DPY19L1: variants seen among roughly 807,000 people sequenced by gnomAD.
The protein encoded by DPY19L1 is protein C-mannosyl-transferase DPY19L1.
Under a neutral mutation model 96.9 loss-of-function variants are expected in DPY19L1, and 35 were observed. The observed-to-expected ratio is 0.36, with a 90% CI of 0.28 to 0.48. The LOEUF (loss-of-function observed/expected upper bound fraction) is 0.48. Among genes scored for constraint, DPY19L1 ranks in the 20% least tolerant of loss-of-function variants. DPY19L1 has a pLI of 0.99. For missense variants in DPY19L1, 521 were observed against 777.9 expected (o/e 0.67, Z 3.93); for synonymous variants, 205 against 252.6 (o/e 0.81, Z 1.79).
rs1197272417 is a variant in DPY19L1, at chr7:35,034,384, G to A, written c.298+2713C>T. On this transcript the variant is annotated intron_variant, in intron 1 of 21. Coordinates refer to ENST00000638088, the MANE Select transcript of DPY19L1 (RefSeq NM_001366673.1). The stretch of plus-strand genomic sequence containing the variant: ...TTAATATAAAATGTATTGTTACAAT[G>A]TCAGCTGTGGTCAAAAAAGTTTGGG... 5.9e-5 allele frequency among the ~76,000 whole-genome samples: 9 copies of A among 152,180 alleles called. No homozygotes were observed. In the East Asian group the frequency reaches 7.7e-4, roughly 13 times the overall value.
chr7:34,947,831 C>G (rs1461131498), intron 14 of DPY19L1, 130 bp from the exon 15 acceptor site: 1 of 693,514 alleles, frequency 1.4e-6, no homozygotes, highest in Non-Finnish European at 2.4e-6. Context: ...TCACTGACTG[C>G]CATCATAAAA....
At chr7:34,984,299 T>C (rs759992885) in intron 7 of DPY19L1, among the ~76,000 whole-genome samples, 85 of 152,182 alleles carry the variant, frequency 5.6e-4, no homozygotes, top group South Asian at 4.1e-4. Context: ...GAAGGATGAC[T>C]AGGCGTTAAT....
At chr7:34,958,874 A>G (rs1347838135) in intron 10 of DPY19L1, among the ~76,000 whole-genome samples, 2 of 152,146 alleles carry the variant, frequency 1.3e-5, no homozygotes, top group Non-Finnish European at 2.9e-5. Flanking sequence ...TTTGCTGGTT[A>G]TGTTGTCTTG....
intron 1 of DPY19L1, among the ~76,000 whole-genome samples, chr7:35,029,874 C>A (rs1313066102): frequency 6.6e-6 from 1 of 152,124 alleles, no homozygotes; most frequent in Non-Finnish European, 1.5e-5. Flanking sequence ...CAATTTTACA[C>A]GGATGTAATT....
At chr7:34,994,637 T>A (rs1179102165) in intron 6 of DPY19L1, among the ~76,000 whole-genome samples, 8 of 151,936 alleles carry the variant, frequency 5.3e-5, no homozygotes, top group Admixed American at 5.2e-4. Flanking sequence ...AAACCGTCTC[T>A]ACTAAAAATA....
intron 9 of DPY19L1, among the ~76,000 whole-genome samples, chr7:34,967,188 T>C (rs1784629429): frequency 6.6e-6 from 1 of 152,202 alleles, no homozygotes. Flanking sequence ...TTCTCAATCA[T>C]GTGAATTGTC....
At chr7:34,975,959 A>G (rs1210717807) in intron 7 of DPY19L1, among the ~76,000 whole-genome samples, 1 of 152,234 alleles carries the variant, frequency 6.6e-6, no homozygotes, top group South Asian at 2.1e-4. Context: ...GCACTTGGTT[A>G]CACAAGTGCT....
chr7:35,020,382 T>G (rs891632075), intron 1 of DPY19L1, among the ~76,000 whole-genome samples: 13 of 152,268 alleles, frequency 8.5e-5, no homozygotes, highest in South Asian at 6.2e-4. Context: ...TCCATAAATG[T>G]GGTGTGGGTA....
intron 1 of DPY19L1, among the ~76,000 whole-genome samples, chr7:35,035,558 A>G (rs1168854115): frequency 6.6e-6 from 1 of 152,240 alleles, no homozygotes; most frequent in Admixed American, 6.5e-5. Flanking sequence ...ATAAAAATGC[A>G]ACTCCATTCT....
At chr7:35,022,415 C>T (rs1786016826) in intron 1 of DPY19L1, among the ~76,000 whole-genome samples, 1 of 152,218 alleles carries the variant, frequency 6.6e-6, no homozygotes, top group African/African-American at 2.4e-5. Flanking sequence ...AAATTACCTA[C>T]AACCTAAAGC....
At chr7:34,933,898 G>A (rs2128779674) in intron 21 of DPY19L1, among the ~76,000 whole-genome samples, 2 of 152,282 alleles carry the variant, frequency 1.3e-5, no homozygotes, top group Middle Eastern at 6.8e-3. Context: ...ATGGCCTATT[G>A]TGGGGCCTCA....
At chr7:35,031,046 A>G (rs1224069874) in intron 1 of DPY19L1, among the ~76,000 whole-genome samples, 2 of 152,198 alleles carry the variant, frequency 1.3e-5, no homozygotes, top group Non-Finnish European at 2.9e-5. Context: ...TGGCAAAAGA[A>G]CTAGCAAAAC....
At chr7:34,934,400 G>A (rs1304282866) in intron 21 of DPY19L1, among the ~76,000 whole-genome samples, 1 of 152,186 alleles carries the variant, frequency 6.6e-6, no homozygotes, top group African/African-American at 2.4e-5. Flanking sequence ...AGTGCATAAA[G>A]ATCTATTCTA....
At chr7:35,014,595 A>C (rs1238400769) in intron 3 of DPY19L1, among the ~76,000 whole-genome samples, 1 of 152,192 alleles carries the variant, frequency 6.6e-6, no homozygotes, top group African/African-American at 2.4e-5. Context: ...AGATATGCCT[A>C]TCCAGAAACT....
chr7:34,967,088 G>A, intron 9 of DPY19L1, 117 bp from the exon 10 acceptor site: 1 of 685,160 alleles, frequency 1.5e-6, no homozygotes, highest in Non-Finnish European at 2.2e-6. Flanking sequence ...GAGTTCTTCT[G>A]TTTTCCTTTT....
At chr7:34,931,792 G>T in intron 21 of DPY19L1, 63 bp from the exon 22 acceptor site, 1 of 1,509,416 alleles carries the variant, frequency 6.6e-7, no homozygotes, top group East Asian at 2.4e-5. Flanking sequence ...AGAAAGCAGA[G>T]CACTTCTTAC....
At position 35,006,593 on chromosome 7, in the gene DPY19L1, G is replaced by A. The variant is rs114287061; in HGVS notation, c.764+3875C>T. 4.6e-3 allele frequency among the ~76,000 whole-genome samples: 697 copies of A among 152,114 alleles called. 10 individuals carry two copies. The highest frequency in any genetic ancestry group is 0.015 in the African/African-American group (640 of 41,502). On this transcript the variant is annotated intron_variant, in intron 6 of 21. Coordinates refer to ENST00000638088, the MANE Select transcript of DPY19L1 (RefSeq NM_001366673.1). Reference sequence around the variant, plus strand: ...CAGGGTATCTTATGAAATACATAACGTAAGTATAAATCAATACAGCTTCAA... The same window carrying A: ...CAGGGTATCTTATGAAATACATAACATAAGTATAAATCAATACAGCTTCAA...
chr7:34,982,324 A>G (rs940613246), intron 7 of DPY19L1, among the ~76,000 whole-genome samples: 8 of 152,178 alleles, frequency 5.3e-5, no homozygotes, highest in African/African-American at 1.4e-4. Context: ...ATATATACTG[A>G]AGTATTTAGG....
intron 10 of DPY19L1, among the ~76,000 whole-genome samples, chr7:34,966,355 T>C (rs568331763): frequency 6.6e-6 from 1 of 152,182 alleles, no homozygotes; most frequent in East Asian, 1.9e-4. Context: ...TGGAGTGCAG[T>C]GGTGTGATCT....
Sources: gnomAD v4.1 joint callset for allele counts (sites outside exome capture counted in the v4.1 genomes callset) on GRCh38, gnomAD v4.1.1 for gene constraint, MANE v1.5 for transcripts, NCBI Gene and HGNC (gene_info 2026-07-23, HGNC 2026-07-21) for gene names.